The following CA10 variants were observed in gnomAD, a reference collection of about 807,000 sequenced individuals.
CA10 encodes carbonic anhydrase 10 (inactive), also known as carbonic anhydrase-related protein 10.
CA10 carries 14 observed loss-of-function variants against 44.2 expected under a neutral mutation model. The ratio of observed to expected loss-of-function variants is 0.32; its 90% CI spans 0.21 to 0.50. CA10 has a LOEUF of 0.50. Ranked by LOEUF, CA10 falls within the 20% of genes least tolerant of loss-of-function variation. The pLI is 0.99. For synonymous variants in CA10, 159 were observed against 141.6 expected (o/e 1.12, Z -0.87); for missense variants, 350 against 409.7 (o/e 0.85, Z 1.26).
At chr17:51,637,393 T>C (rs149920999) in intron 6 of CA10, among the ~76,000 whole-genome samples, 114 of 152,312 alleles carry the variant, frequency 7.5e-4, no homozygotes, top group African/African-American at 2.5e-3. Context: ...TCTATATCTC[T>C]AGAGGTATCA....
At chr17:51,855,869 G>C (rs940682588) in intron 3 of CA10, among the ~76,000 whole-genome samples, 1 of 152,152 alleles carries the variant, frequency 6.6e-6, no homozygotes, top group African/African-American at 2.4e-5. Context: ...GAGGAGGAAA[G>C]AGTGGGGGAC....
chr17:51,903,976 T>C (rs1457899081), intron 3 of CA10, among the ~76,000 whole-genome samples: 2 of 151,856 alleles, frequency 1.3e-5, no homozygotes, highest in Non-Finnish European at 2.9e-5. Flanking sequence ...ACCTGACATG[T>C]ATGTGGGAAA....
intron 1 of CA10, among the ~76,000 whole-genome samples, chr17:52,105,250 TG>T: frequency 7.0e-6 from 1 of 142,226 alleles, no homozygotes; most frequent in Non-Finnish European, 1.5e-5. Flanking sequence ...CAAATCCTCA[TG>T]TTTTTTTGTT....
At chr17:52,130,491 T>C (rs1989212863) in intron 1 of CA10, among the ~76,000 whole-genome samples, 1 of 152,164 alleles carries the variant, frequency 6.6e-6, no homozygotes, top group East Asian at 1.9e-4. Flanking sequence ...GGAAACTCTG[T>C]CATTTGCAAC....
intron 3 of CA10, among the ~76,000 whole-genome samples, chr17:51,847,452 T>C (rs1267802188): frequency 6.6e-6 from 1 of 152,190 alleles, no homozygotes; most frequent in Non-Finnish European, 1.5e-5. Context: ...GTTATTGCAG[T>C]GTACCCTTGA....
intron 3 of CA10, among the ~76,000 whole-genome samples, chr17:51,764,381 T>A (rs1905295771): frequency 6.6e-6 from 1 of 152,206 alleles, no homozygotes; most frequent in Non-Finnish European, 1.5e-5. Flanking sequence ...TAATAACACA[T>A]AAACATAGCT....
intron 1 of CA10, among the ~76,000 whole-genome samples, chr17:52,153,078 T>C (rs1989736710): frequency 6.6e-6 from 1 of 152,152 alleles, no homozygotes; most frequent in African/African-American, 2.4e-5. Flanking sequence ...CATTAGTTAC[T>C]GACTTAGGCT....
chr17:51,899,016 G>T (rs777762316), intron 3 of CA10, among the ~76,000 whole-genome samples: 2 of 151,404 alleles, frequency 1.3e-5, no homozygotes, highest in Non-Finnish European at 3.0e-5. Flanking sequence ...TTTATCTTTT[G>T]TATGGTTTTC....
At chr17:51,894,565 G>A (rs1050631754) in intron 3 of CA10, among the ~76,000 whole-genome samples, 1 of 152,112 alleles carries the variant, frequency 6.6e-6, no homozygotes, top group Non-Finnish European at 1.5e-5. Context: ...CATGTAAGGA[G>A]AATTACATTT....
At chr17:51,675,708 T>G (rs1212897612) in intron 4 of CA10, among the ~76,000 whole-genome samples, 1 of 149,634 alleles carries the variant, frequency 6.7e-6, no homozygotes, top group Non-Finnish European at 1.5e-5. Flanking sequence ...AGAGCAAGGC[T>G]GCGTCTCAAA....
intron 2 of CA10, among the ~76,000 whole-genome samples, chr17:51,962,702 G>C (rs1052994300): frequency 4.6e-5 from 7 of 152,150 alleles, no homozygotes; most frequent in African/African-American, 1.4e-4. Flanking sequence ...CCCACAGGGA[G>C]TGGGGGGAAA....
At chr17:51,688,186 A>C (rs956836686) in intron 4 of CA10, among the ~76,000 whole-genome samples, 1 of 152,162 alleles carries the variant, frequency 6.6e-6, no homozygotes, top group African/African-American at 2.4e-5. Context: ...CCACCTTGGA[A>C]GTGAATCTTC....
chr17:51,918,739 G>A (rs1461714567), intron 3 of CA10, among the ~76,000 whole-genome samples: 1 of 152,156 alleles, frequency 6.6e-6, no homozygotes, highest in Non-Finnish European at 1.5e-5. Flanking sequence ...CACTGGGTTT[G>A]CTCTATGAGA....
At chr17:51,919,631 TGTTA>T (rs1170846564) in intron 3 of CA10, among the ~76,000 whole-genome samples, 1 of 152,140 alleles carries the variant, frequency 6.6e-6, no homozygotes, top group African/African-American at 2.4e-5. Context: ...GTAAAATGCC[TGTTA>T]GTTGTTCTCT....
chr17:51,979,382 T>C (rs991882179), intron 2 of CA10, among the ~76,000 whole-genome samples: 1 of 152,186 alleles, frequency 6.6e-6, no homozygotes, highest in Non-Finnish European at 1.5e-5. Flanking sequence ...ATTTATTATA[T>C]AGGTAAATTT....
At chr17:52,100,857 G>A (rs1220285080) in intron 1 of CA10, among the ~76,000 whole-genome samples, 4 of 152,132 alleles carry the variant, frequency 2.6e-5, no homozygotes, top group Non-Finnish European at 4.4e-5. Context: ...TGCTTAGTAA[G>A]GTCTTTCTTG....
chr17:51,640,308 G>A (rs1238716540), intron 6 of CA10, among the ~76,000 whole-genome samples: 1 of 152,108 alleles, frequency 6.6e-6, no homozygotes, highest in Admixed American at 6.5e-5. Flanking sequence ...ATCAGATGAG[G>A]GGAAGCATCT....
intron 6 of CA10, among the ~76,000 whole-genome samples, chr17:51,641,521 C>T (rs1216036793): frequency 6.6e-6 from 1 of 152,148 alleles, no homozygotes; most frequent in Non-Finnish European, 1.5e-5. Context: ...AGGAGGACCC[C>T]TTGGATCTTG....
intron 4 of CA10, among the ~76,000 whole-genome samples, chr17:51,664,493 T>C (rs1914139056): frequency 6.7e-6 from 1 of 148,940 alleles, no homozygotes; most frequent in African/African-American, 2.5e-5. Flanking sequence ...TGTATTTAGA[T>C]AGAGCTAACC....
Sources: gnomAD v4.1 joint callset for allele counts (sites outside exome capture counted in the v4.1 genomes callset) on GRCh38, gnomAD v4.1.1 for gene constraint, MANE v1.5 for transcripts, NCBI Gene and HGNC (gene_info 2026-07-23, HGNC 2026-07-21) for gene names.